Variants in MYT1L observed in about 807,000 individuals in gnomAD.
The protein encoded by MYT1L is myelin transcription factor 1 like, also known as myelin transcription factor 1-like protein.
In MYT1L, 12 loss-of-function variants were observed where a neutral mutation model predicts 126.7. The ratio of observed to expected loss-of-function variants is 0.09; its 90% CI spans 0.06 to 0.15. The LOEUF (loss-of-function observed/expected upper bound fraction) is 0.15, where lower values mean the gene tolerates loss of function less well. Ranked by LOEUF, MYT1L falls within the 10% of genes least tolerant of loss-of-function variation. The probability of loss-of-function intolerance (pLI) is 1.00; values close to 1 mark genes in which losing one functional copy is unlikely to be tolerated. For missense variants in MYT1L, 979 were observed against 1,585.2 expected, an observed-to-expected ratio of 0.62 and a Z score of 6.49; for synonymous variants, 541 against 604.2, an observed-to-expected ratio of 0.90 and a Z score of 1.53.
intron 9 of MYT1L, among the ~76,000 whole-genome samples, chr2:1,933,969 A>ATTT (rs920521570): frequency 4.3e-4 from 48 of 111,722 alleles, no homozygotes; most frequent in Non-Finnish European, 5.6e-4. Context: ...TCTAATTTTG[A>ATTT]TTTTTTTTTT....
chr2:2,257,149 C>T (rs989828035), intron 2 of MYT1L, among the ~76,000 whole-genome samples: 5 of 152,242 alleles, frequency 3.3e-5, no homozygotes, highest in African/African-American at 1.2e-4. Flanking sequence ...TGTGGCTGAT[C>T]AGGGCACCCC....
At chr2:2,151,797 T>C (rs1271353711) in intron 3 of MYT1L, among the ~76,000 whole-genome samples, 1 of 152,218 alleles carries the variant, frequency 6.6e-6, no homozygotes, top group Non-Finnish European at 1.5e-5. Flanking sequence ...GGCTCATGCC[T>C]GTAATCCCAG....
At chr2:2,132,387 A>G (rs370526187) in intron 3 of MYT1L, among the ~76,000 whole-genome samples, 1 of 152,234 alleles carries the variant, frequency 6.6e-6, no homozygotes, top group African/African-American at 2.4e-5. Flanking sequence ...ACTATGGAAT[A>G]CTATGCAGCC....
intron 9 of MYT1L, among the ~76,000 whole-genome samples, chr2:1,926,337 CAA>C (rs1266398946): frequency 6.6e-6 from 1 of 152,186 alleles, no homozygotes; most frequent in Admixed American, 6.5e-5. Flanking sequence ...ATCTGGAATT[CAA>C]AGTCATTCAC....
In MYT1L at chr2:1,806,725, C is replaced by T. The variant is rs987570431; in HGVS notation, c.3172+2351G>A. Among the ~76,000 whole-genome samples the T allele has an allele frequency of 3.9e-5, 6 of 152,194 alleles. No individual in the cohort carries two copies. Among genetic ancestry groups the T allele is most frequent in the Admixed American group, 6.5e-5 (1 of 15,274 alleles). Reference sequence around the variant, plus strand: ...CCAGCCCAGGTGTGAATGGCCCCTCCTCTAGGATTGGCAGATCTGTTCTCT... The same window carrying T: ...CCAGCCCAGGTGTGAATGGCCCCTCTTCTAGGATTGGCAGATCTGTTCTCT... On this transcript the variant is annotated intron_variant, in intron 22 of 24. Transcript: ENST00000647738. The surrounding 1 kb of genome is among the most constrained non-coding windows in gnomAD (Gnocchi z 4.9).
At chr2:1,900,254 TCAA>T (rs2050152760) in intron 14 of MYT1L, among the ~76,000 whole-genome samples, 1 of 151,576 alleles carries the variant, frequency 6.6e-6, no homozygotes, top group South Asian at 2.1e-4. Context: ...TTACACCCCA[TCAA>T]CAACCTACCA....
chr2:2,152,174 G>A (rs1038233237), intron 3 of MYT1L, among the ~76,000 whole-genome samples: 1 of 152,238 alleles, frequency 6.6e-6, no homozygotes, highest in African/African-American at 2.4e-5. Flanking sequence ...TTGAACACAA[G>A]TGCTGCGACA....
chr2:1,918,695 G>A (rs754101045), intron 10 of MYT1L, among the ~76,000 whole-genome samples: 7 of 152,094 alleles, frequency 4.6e-5, no homozygotes, highest in Non-Finnish European at 8.8e-5. Flanking sequence ...TGCCTCTCCT[G>A]TACTGGAAAC....
At chr2:2,189,347 C>T (rs944771009) in intron 2 of MYT1L, among the ~76,000 whole-genome samples, 16 of 152,176 alleles carry the variant, frequency 1.1e-4, no homozygotes, top group African/African-American at 3.6e-4. Flanking sequence ...GGTCTTCCCT[C>T]ATGCAACTAC....
chr2:1,824,517 C>G (rs556104623), intron 21 of MYT1L: 1 of 152,426 alleles, frequency 6.6e-6, no homozygotes, highest in Non-Finnish European at 1.5e-5. Flanking sequence ...GAGCTGCTCT[C>G]GTCCTGAAGT....
chr2:1,915,156 C>T (rs1209444016), intron 11 of MYT1L, among the ~76,000 whole-genome samples: 2 of 152,084 alleles, frequency 1.3e-5, no homozygotes, highest in Admixed American at 1.3e-4. Context: ...CTGCTGGTTT[C>T]TTTATGGAAT....
At chr2:2,214,445 C>A (rs73913259) in intron 2 of MYT1L, among the ~76,000 whole-genome samples, 1,994 of 151,498 alleles carry the variant, frequency 0.013, 39 homozygotes, top group African/African-American at 0.042. Flanking sequence ...TCGAAACCAG[C>A]GACAAACAGG....
chr2:1,956,749 A>G (rs2058515931), intron 8 of MYT1L, among the ~76,000 whole-genome samples: 1 of 152,174 alleles, frequency 6.6e-6, no homozygotes, highest in South Asian at 2.1e-4. Context: ...TAAGTTGACA[A>G]GAGATATAAT....
chr2:2,209,846 T>C (rs1304655276), intron 2 of MYT1L, among the ~76,000 whole-genome samples: 1 of 152,188 alleles, frequency 6.6e-6, no homozygotes, highest in Non-Finnish European at 1.5e-5. Flanking sequence ...GCTAGTTCTA[T>C]GTTTAGTAGT....
At chr2:2,270,592 A>G (rs909886089) in intron 2 of MYT1L, among the ~76,000 whole-genome samples, 15 of 152,122 alleles carry the variant, frequency 9.9e-5, no homozygotes, top group Admixed American at 2.6e-4. Flanking sequence ...GCAATGAAAA[A>G]ATTACAGCCA....
intron 18 of MYT1L, chr2:1,883,927 T>C (rs1342993569): frequency 1.3e-5 from 2 of 152,202 alleles, no homozygotes; most frequent in Non-Finnish European, 2.9e-5. Flanking sequence ...TTACATATTA[T>C]ACATAATTAG....
chr2:2,223,269 T>A (rs2093926238), intron 2 of MYT1L, among the ~76,000 whole-genome samples: 2 of 152,210 alleles, frequency 1.3e-5, no homozygotes, highest in Admixed American at 1.3e-4. Flanking sequence ...TATTAGAATA[T>A]AAAAAAATTG....
At chr2:1,921,852 A>G (rs540490175) in intron 10 of MYT1L, among the ~76,000 whole-genome samples, 2 of 152,312 alleles carry the variant, frequency 1.3e-5, no homozygotes, top group South Asian at 4.1e-4. Flanking sequence ...TTTACAAATC[A>G]TGATGCCATT....
chr2:1,938,565 C>T (rs1411016286), intron 9 of MYT1L, among the ~76,000 whole-genome samples: 1 of 152,074 alleles, frequency 6.6e-6, no homozygotes, highest in Admixed American at 6.5e-5. Flanking sequence ...GGTATTATCC[C>T]CTGTTGTTCA....
Sources: allele counts gnomAD v4.1 joint callset (sites outside exome capture counted in the v4.1 genomes callset), GRCh38; gene constraint gnomAD v4.1.1; non-coding constraint Gnocchi (gnomAD v3.1); transcripts MANE v1.5; gene names NCBI Gene and HGNC (gene_info 2026-07-23, HGNC 2026-07-21).